The following LAMB4 variants were observed in gnomAD, a reference collection of about 807,000 sequenced individuals.
LAMB4 encodes laminin subunit beta-4.
Under a neutral mutation model 199.2 loss-of-function variants are expected in LAMB4, and 196 were observed. The ratio of observed to expected loss-of-function variants is 0.98; its 90% CI spans 0.88 to 1.11. The LOEUF (loss-of-function observed/expected upper bound fraction) is 1.11. LAMB4 is among the 50% of genes least tolerant of loss of function. LAMB4 has a pLI of 0.00. For synonymous variants in LAMB4, 744 were observed against 770.6 expected (o/e 0.97, Z 0.57); for missense variants, 2,080 against 2,171.2 (o/e 0.96, Z 0.83).
chr7:108,098,379 C>CT (rs763970498), intron 11 of LAMB4, 24 bp downstream of exon 11: 5 of 1,577,076 alleles, frequency 3.2e-6, no homozygotes, highest in Non-Finnish European at 3.4e-6. Flanking sequence ...TGGACACTCC[C>CT]CCGACCCCCG....
chr7:108,069,766 C>G lies in LAMB4; in HGVS notation c.2244G>C (p.Pro748=). ...TGATGATCAGCCTTTCACAGGCACC[C>G]GGGAGCACTTGAGGTCCCATTGCTG... is the stretch of plus-strand genomic sequence containing the variant. ...IASAMGPQVL[P]GACERLIISM... Residue 748 remains proline, a synonymous_variant, in exon 18 of 34, where the codon CCG becomes CCC. Transcript: ENST00000388781. The G allele has an allele frequency of 1.2e-6, 2 of 1,613,936 alleles. No individual in the cohort carries two copies. The highest frequency in any genetic ancestry group is 2.2e-5 in the South Asian group (2 of 91,058).
chr7:108,030,739 G>A (rs2034996748), intron 32 of LAMB4, 67 bp downstream of exon 32: 5 of 1,492,932 alleles, frequency 3.3e-6, no homozygotes, highest in East Asian at 2.3e-5. Context: ...AAAATCTGGG[G>A]TTAAAGAACT....
At chr7:108,109,393 C>G in intron 4 of LAMB4, 149 bp from the exon 5 acceptor site, 1 of 634,966 alleles carries the variant, frequency 1.6e-6, no homozygotes, top group South Asian at 1.8e-5. Flanking sequence ...GAGTGGTATC[C>G]CATGCCACTC....
intron 5 of LAMB4, 148 bp from the exon 6 acceptor site, chr7:108,107,967 A>C (rs957569185): frequency 1.5e-6 from 1 of 652,532 alleles, no homozygotes; most frequent in Non-Finnish European, 2.5e-6. Context: ...TTGAGACAGG[A>C]TCTCACTCTG....
At chr7:108,035,476 A>C (rs1361293740) in intron 30 of LAMB4, among the ~76,000 whole-genome samples, 1 of 149,418 alleles carries the variant, frequency 6.7e-6, no homozygotes, top group Non-Finnish European at 1.5e-5. Flanking sequence ...TGGGAGGCGG[A>C]GGTTGCAGTG....
At chr7:108,085,965 G>A (rs73424756) in intron 14 of LAMB4, among the ~76,000 whole-genome samples, 4,713 of 152,280 alleles carry the variant, frequency 0.031, 246 homozygotes, top group African/African-American at 0.11. Flanking sequence ...CATGCAATGA[G>A]TAGGTGTTGT....
chr7:108,042,428 G>A (rs902855742), intron 29 of LAMB4, among the ~76,000 whole-genome samples: 53 of 151,606 alleles, frequency 3.5e-4, no homozygotes, highest in African/African-American at 1.2e-3. Context: ...TAGAAAGGAG[G>A]TCATGTAGAC....
intron 23 of LAMB4, among the ~76,000 whole-genome samples, chr7:108,059,981 G>A (rs925928444): frequency 3.9e-5 from 6 of 152,144 alleles, no homozygotes; most frequent in South Asian, 4.1e-4. Context: ...AAGTGTTGAT[G>A]AAAATATTGG....
At chr7:108,032,055 T>C (rs1355541252) in intron 31 of LAMB4, among the ~76,000 whole-genome samples, 2 of 152,192 alleles carry the variant, frequency 1.3e-5, no homozygotes, top group Non-Finnish European at 2.9e-5. Context: ...GTCTGTTGTG[T>C]CCTGATTTTG....
intron 19 of LAMB4, among the ~76,000 whole-genome samples, chr7:108,066,803 G>T (rs528936754): frequency 1.3e-5 from 2 of 152,142 alleles, no homozygotes; most frequent in African/African-American, 4.8e-5. Context: ...AGTATGTTGC[G>T]AACAATTGGG....
At position 108,068,103 on chromosome 7, in the gene LAMB4, G is replaced by A. The variant is rs2036405760; in HGVS notation, c.2359C>T (p.Gln787Ter). The A allele has an allele frequency of 6.2e-7, 1 of 1,614,186 alleles. No individual in the cohort carries two copies. Among genetic ancestry groups the A allele is most frequent in the Non-Finnish European group, 8.5e-7 (1 of 1,180,034 alleles). ...VGSSCSRLGG[Q>*]CQCKPLVVGR... ...ACCACAAGAGGTTTACACTGGCACT[G>A]GCCTCCAAGTCGGCTGCAGCTGGAT... is the stretch of plus-strand genomic sequence containing the variant. Residue 787 changes from glutamine to a stop codon, truncating the protein, a stop_gained, in exon 19 of 34, where the codon CAG becomes TAG. Coordinates refer to ENST00000388781, the MANE Select transcript of LAMB4 (RefSeq NM_007356.3). LOFTEE classifies it high-confidence loss of function.
intron 23 of LAMB4, among the ~76,000 whole-genome samples, chr7:108,059,074 T>C (rs1418887422): frequency 6.6e-6 from 1 of 151,390 alleles, no homozygotes; most frequent in East Asian, 1.9e-4. Flanking sequence ...CAGTGCTTTC[T>C]TATACCGAAG....
At position 108,043,848 on chromosome 7, in the gene LAMB4, G is replaced by T. The variant is rs1259751486; in HGVS notation, c.4375C>A (p.Gln1459Lys). ...QAEVSKNNAL[Q>K]LREKLGNIRN... is the part of the protein sequence containing the mutation. ...ATATTTCCCAGTTTTTCCCTCAGCT[G>T]TAAGGCATTGTTTTTGGAGACTTCT... Residue 1459 changes from glutamine (Q) to lysine (K), a missense_variant, in exon 29 of 34, where the codon CAG becomes AAG. Physicochemically the swap from Gln to Lys is moderately conservative, Grantham distance 53. Transcript: ENST00000388781. 6.2e-7 allele frequency: 1 copy of T among 1,608,368 alleles called. No individual in the cohort carries two copies. The highest frequency in any genetic ancestry group is 8.5e-7 in the Non-Finnish European group (1 of 1,177,596).
intron 30 of LAMB4, among the ~76,000 whole-genome samples, chr7:108,035,606 AAAAAAAAAAAAAAAAAG>A (rs983842496): frequency 2.8e-4 from 1 of 3,568 alleles, no homozygotes; most frequent in East Asian, 0.1. Flanking sequence ...GAGAGTACCA[AAAAAAAAAAAAAAAAAG>A]AAAAAAAAAC....
chr7:108,081,280 C>G (rs1184419726), intron 14 of LAMB4, among the ~76,000 whole-genome samples: 1 of 152,108 alleles, frequency 6.6e-6, no homozygotes, highest in African/African-American at 2.4e-5. Context: ...TTTCACATCT[C>G]CCTCCCTAAC....
rs200208315 is a variant in LAMB4 at position 108,055,712 on chromosome 7, A to G, written c.3675T>C (p.Ser1225=). 7.4e-5 allele frequency: 119 copies of G among 1,614,132 alleles called. No homozygotes were observed. The East Asian group carries it at 2.6e-3, about 35-fold the overall frequency. Reference sequence around the variant, plus strand: ...GATGTTTCAAAATCCTTTCTATTTCAGACACGTTCCCTCTGAGGTCTTTGA... The same window carrying G: ...GATGTTTCAAAATCCTTTCTATTTCGGACACGTTCCCTCTGAGGTCTTTGA... ...ADFKDLRGNV[S]EIERILKHPV... is the part of the protein sequence containing the mutation. The change falls in exon 25 of 34, where the codon TCT becomes TCC. Residue 1225 remains serine, a synonymous_variant. Transcript: ENST00000388781.
intron 2 of LAMB4, among the ~76,000 whole-genome samples, chr7:108,118,601 G>A (rs534334091): frequency 6.6e-6 from 1 of 152,178 alleles, no homozygotes; most frequent in South Asian, 2.1e-4. Flanking sequence ...AAAATGAACT[G>A]CAAGCAAAAC....
chr7:108,115,868 G>A, intron 3 of LAMB4, 136 bp downstream of exon 3: 1 of 923,850 alleles, frequency 1.1e-6, no homozygotes, highest in Non-Finnish European at 1.6e-6. Context: ...GATACTGAGG[G>A]ACAACTGCAC....
intron 14 of LAMB4, among the ~76,000 whole-genome samples, chr7:108,081,057 G>C (rs2036917003): frequency 6.6e-6 from 1 of 152,156 alleles, no homozygotes; most frequent in Non-Finnish European, 1.5e-5. Context: ...GGGAGGCAGA[G>C]GTTGCAGTGA....
Sources: allele counts gnomAD v4.1 joint callset (sites outside exome capture counted in the v4.1 genomes callset), GRCh38; gene constraint gnomAD v4.1.1; transcripts MANE v1.5; gene names NCBI Gene and HGNC (gene_info 2026-07-23, HGNC 2026-07-21).